CNNM4: variants seen among roughly 807,000 people sequenced by gnomAD.
The protein encoded by CNNM4 is cyclin and CBS domain divalent metal cation transport mediator 4, also known as metal transporter CNNM4.
In CNNM4, 32 loss-of-function variants were observed where a neutral mutation model predicts 53.7. The observed-to-expected ratio is 0.60, with a 90% CI of 0.45 to 0.80. The LOEUF is 0.80. CNNM4 is among the 30% of genes least tolerant of loss of function. The pLI is 0.00. For missense variants in CNNM4, 784 were observed against 1,022.0 expected, an observed-to-expected ratio of 0.77 and a Z score of 3.17; for synonymous variants, 410 against 440.0, an observed-to-expected ratio of 0.93 and a Z score of 0.85.
intron 1 of CNNM4, among the ~76,000 whole-genome samples, chr2:96,786,517 G>A (rs2079017682): frequency 6.6e-6 from 1 of 151,946 alleles, no homozygotes. Context: ...GGTGGCTCAT[G>A]CCTGTAATCC....
chr2:96,766,276 T>C (rs1056860195), intron 1 of CNNM4, among the ~76,000 whole-genome samples: 5 of 151,922 alleles, frequency 3.3e-5, no homozygotes, highest in Non-Finnish European at 5.9e-5. Context: ...GGTTTCACCA[T>C]GTTAGCTAGG....
chr2:96,779,503 C>T (rs1479812727), intron 1 of CNNM4, among the ~76,000 whole-genome samples: 7 of 129,366 alleles, frequency 5.4e-5, no homozygotes, highest in African/African-American at 1.9e-4. Context: ...AGCAAGACCT[C>T]GTCTCAAAAA....
rs1036043556 is a variant in CNNM4, at chr2:96,779,827, G to A, written c.1403-17185G>A. 8.0e-5 allele frequency among the ~76,000 whole-genome samples: 12 copies of A among 149,360 alleles called. No individual in the cohort carries two copies. The South Asian group carries it at 1.5e-3, about 18-fold the overall frequency. On this transcript the variant is annotated intron_variant, in intron 1 of 6. Coordinates refer to ENST00000377075, the MANE Select transcript of CNNM4 (RefSeq NM_020184.4). ...TGACATTTTTTTTTTTTTTTTAGAC[G>A]GAGTCTCACTTTGTCTCCAGGCCGG...
chr2:96,774,701 C>T lies in CNNM4; in HGVS notation c.1402+12300C>T, dbSNP rs542375135. On this transcript the variant is annotated intron_variant, in intron 1 of 6. Transcript: ENST00000377075. ...AGAGCAGGCTGGGTGCAGTGGCTCA[C>T]GCCTGTAATCCCAGCACTTTGAGAG... Among the ~76,000 whole-genome samples the T allele has an allele frequency of 9.2e-5, 14 of 152,120 alleles. No homozygotes were observed. The South Asian group carries it at 2.5e-3, about 27-fold the overall frequency.
rs2079152487 is a variant in CNNM4, at chr2:96,800,916, T to G, written c.1948+1268T>G. On this transcript the variant is annotated intron_variant, in intron 5 of 6. Coordinates refer to ENST00000377075, the MANE Select transcript of CNNM4 (RefSeq NM_020184.4). This position sits in a 1 kb window ranked among gnomAD's most constrained non-coding sequence, Gnocchi z 4.6. ...CCGCACAGGGCTCACCGCTGTGCCC[T>G]GAGCACCCTTCCCAGCAGAGCCATG... Among the ~76,000 whole-genome samples, 1 of 152,190 alleles carries G rather than the reference T, an allele frequency of 6.6e-6. No individual in the cohort carries two copies. Among genetic ancestry groups the G allele is most frequent in the South Asian group, 2.1e-4 (1 of 4,828 alleles).
Position 96,806,856 on chromosome 2 carries a change from A to G in CNNM4, c.1949-1705A>G, listed in dbSNP as rs183754243. On this transcript the variant is annotated intron_variant, in intron 5 of 6. Transcript: ENST00000377075. ...ATTCTTCCTTATTCAAGATTGTTAC[A>G]ACTCTTATTCGAGATTCGAGATTGT... Among the ~76,000 whole-genome samples the G allele has an allele frequency of 2.9e-3, 434 of 152,280 alleles. 4 individuals are homozygous for G. Among genetic ancestry groups the G allele is most frequent in the South Asian group, 4.6e-3 (22 of 4,816 alleles).
chr2:96,796,574 C>G (rs542453024), intron 1 of CNNM4, among the ~76,000 whole-genome samples: 31 of 152,154 alleles, frequency 2.0e-4, no homozygotes, highest in Non-Finnish European at 3.7e-4. Context: ...CCAGCTTGAG[C>G]AACATAGCGA....
Position 96,797,609 on chromosome 2 carries a change from CG to C in CNNM4, c.1644del (p.Gln549SerfsTer10). The C allele has an allele frequency of 6.2e-7, 1 of 1,614,138 alleles. No individual in the cohort carries two copies. The highest frequency in any genetic ancestry group is 1.7e-5 in the Admixed American group (1 of 60,018). The part of the protein sequence containing the change: ...ADNELKVKIS[P>X]QLLLAAHRFL... ...AATGAGCTCAAAGTGAAAATCTCCC[CG>C]CAGCTCCTCCTGGCCGCTCATCGCT... On this transcript the variant is annotated frameshift_variant, in exon 3 of 7. Transcript: ENST00000377075. LOFTEE classifies it high-confidence loss of function. This position sits in a 1 kb window ranked among gnomAD's most constrained non-coding sequence, Gnocchi z 6.0.
chr2:96,808,469 G>A lies in CNNM4; in HGVS notation c.1949-92G>A. On this transcript the variant is annotated intron_variant, in intron 5 of 6. Transcript: ENST00000377075. This position sits in a 1 kb window ranked among gnomAD's most constrained non-coding sequence, Gnocchi z 4.9. ...ATGACTTCCTGTTCCTGGGTGGGGT[G>A]TCCCTGGGCTTCCATGGGATGAGGT... is the stretch of plus-strand genomic sequence containing the variant. The A allele has an allele frequency of 2.3e-6, 3 of 1,304,006 alleles. No individual in the cohort carries two copies. In the South Asian group the frequency reaches 3.7e-5, roughly 16 times the overall value. The allele number at this position is 1,304,006 out of a possible 1,614,324, so 80.8% of individuals were successfully genotyped here. A position where few individuals can be genotyped will look rare whatever the true frequency, so the allele number is the denominator to read the frequency against.
chr2:96,788,345 C>A (rs1045239227), intron 1 of CNNM4, among the ~76,000 whole-genome samples: 1 of 151,780 alleles, frequency 6.6e-6, no homozygotes, highest in African/African-American at 2.4e-5. Flanking sequence ...GCCACCGCAG[C>A]CTTCTGGTCT....
chr2:96,798,699 A>G (rs555247832), intron 3 of CNNM4, among the ~76,000 whole-genome samples: 2 of 152,238 alleles, frequency 1.3e-5, no homozygotes, highest in African/African-American at 4.8e-5. Flanking sequence ...CAGCACATAT[A>G]TACTAAGTGC....
At chr2:96,762,478 G>C in intron 1 of CNNM4, 77 bp downstream of exon 1, 1 of 1,350,866 alleles carries the variant, frequency 7.4e-7, no homozygotes, top group Non-Finnish European at 1.1e-6. Flanking sequence ...GTGTCTGCTG[G>C]CTTTAGTGTT....
intron 1 of CNNM4, among the ~76,000 whole-genome samples, chr2:96,779,913 C>T (rs1254486020): frequency 6.6e-6 from 1 of 151,922 alleles, no homozygotes; most frequent in Non-Finnish European, 1.5e-5. Flanking sequence ...AGCAATTCTC[C>T]TGCCTCAGCC....
At chr2:96,798,930 G>A (rs762254505) in intron 3 of CNNM4, 127 bp from the exon 4 acceptor site, 13 of 940,346 alleles carry the variant, frequency 1.4e-5, no homozygotes, top group South Asian at 2.7e-5. Flanking sequence ...ACGAGGGCCG[G>A]CCGAGCAGGG....
chr2:96,790,421 C>T (rs1377756885), intron 1 of CNNM4, among the ~76,000 whole-genome samples: 6 of 151,914 alleles, frequency 3.9e-5, no homozygotes, highest in African/African-American at 9.7e-5. Flanking sequence ...ATGGCACGAT[C>T]TCGGCGCACT....
intron 1 of CNNM4, among the ~76,000 whole-genome samples, chr2:96,784,721 C>G (rs1412610580): frequency 6.6e-6 from 1 of 152,150 alleles, no homozygotes; most frequent in Non-Finnish European, 1.5e-5. Flanking sequence ...CTGGGCATGA[C>G]TTCTCTGGGC....
chr2:96,787,595 C>G (rs577617834), intron 1 of CNNM4, among the ~76,000 whole-genome samples: 1 of 152,146 alleles, frequency 6.6e-6, no homozygotes, highest in Non-Finnish European at 1.5e-5. Flanking sequence ...TGGTGACTCA[C>G]GCCTACAGTC....
At chr2:96,783,730 T>A (rs1444554081) in intron 1 of CNNM4, among the ~76,000 whole-genome samples, 1 of 152,198 alleles carries the variant, frequency 6.6e-6, no homozygotes, top group Non-Finnish European at 1.5e-5. Flanking sequence ...CATATATTTA[T>A]ACACAAGGAT....
rs964339421 is a variant in CNNM4 at position 96,803,707 on chromosome 2, C to G, written c.1948+4059C>G. Among the ~76,000 whole-genome samples the G allele has an allele frequency of 4.1e-5, 6 of 145,902 alleles. No individual in the cohort carries two copies. In the East Asian group the frequency reaches 1.2e-3, roughly 29 times the overall value. ...TGCCATTGCGCTCTAGCCTGGGCAA[C>G]AAGAGCGAAACTCTGTCTAAAAAAA... On this transcript the variant is annotated intron_variant, in intron 5 of 6. Coordinates refer to ENST00000377075, the MANE Select transcript of CNNM4 (RefSeq NM_020184.4).
Sources: allele counts gnomAD v4.1 joint callset (sites outside exome capture counted in the v4.1 genomes callset), GRCh38; gene constraint gnomAD v4.1.1; non-coding constraint Gnocchi (gnomAD v3.1); transcripts MANE v1.5; gene names NCBI Gene and HGNC (gene_info 2026-07-23, HGNC 2026-07-21).